CRYL1: variants seen among roughly 807,000 people sequenced by gnomAD.
CRYL1 encodes crystallin lambda 1.
A neutral mutation model predicts 36.6 loss-of-function variants in CRYL1; 29 were observed. The ratio of observed to expected loss-of-function variants is 0.79; its 90% CI spans 0.59 to 1.08. The LOEUF is 1.08. Ranked by LOEUF, CRYL1 falls within the 50% of genes least tolerant of loss-of-function variation. The pLI, the probability that CRYL1 is intolerant of heterozygous loss-of-function variation, is 0.00. For missense variants in CRYL1, 411 were observed against 407.9 expected (o/e 1.01, Z -0.06); for synonymous variants, 152 against 151.5 (o/e 1.00, Z -0.02).
intron 2 of CRYL1, among the ~76,000 whole-genome samples, chr13:20,505,863 C>T (rs2033788828): frequency 2.0e-5 from 3 of 152,140 alleles, no homozygotes; most frequent in Non-Finnish European, 2.9e-5. Context: ...ACATTTTAAC[C>T]TTGGGGTTTC....
chr13:20,516,104 T>C (rs1479148994), intron 1 of CRYL1, among the ~76,000 whole-genome samples: 1 of 144,834 alleles, frequency 6.9e-6, no homozygotes, highest in Non-Finnish European at 1.5e-5. Context: ...GGCAGGACAA[T>C]CGCTTGAACC....
chr13:20,489,688 G>A (rs1161382638), intron 2 of CRYL1, among the ~76,000 whole-genome samples, 192 bp from the exon 3 acceptor site: 3 of 152,220 alleles, frequency 2.0e-5, no homozygotes, highest in African/African-American at 7.2e-5. Flanking sequence ...TGGAACCATT[G>A]TGCACTGCTG....
At chr13:20,413,467 T>C in intron 5 of CRYL1, 80 bp from the exon 6 acceptor site, 2 of 854,828 alleles carry the variant, frequency 2.3e-6, no homozygotes, top group Non-Finnish European at 3.8e-6. Flanking sequence ...CTAACTTCTT[T>C]AGAGCAGGAT....
intron 3 of CRYL1, among the ~76,000 whole-genome samples, chr13:20,463,836 T>C (rs2032880059): frequency 6.6e-6 from 1 of 152,312 alleles, no homozygotes; most frequent in Non-Finnish European, 1.5e-5. Context: ...TATTCGAAGA[T>C]GTAGTAGTAC....
rs1011111227 is a variant in CRYL1, at chr13:20,525,810, G to C, written c.-16C>G. ...AGGACGCCATGGTTGGGCCGGGGAC[G>C]CGGCGCCGCGGGCGCTGGGACCAGG... On this transcript the variant is annotated 5_prime_UTR_variant, in exon 1 of 8. Transcript: ENST00000298248. This position sits in a 1 kb window ranked among gnomAD's most constrained non-coding sequence, Gnocchi z 4.3. 8.1e-7 allele frequency: 1 copy of C among 1,233,342 alleles called. No homozygotes were observed. Among genetic ancestry groups the C allele is most frequent in the African/African-American group, 1.6e-5 (1 of 63,880 alleles). 76.4% of individuals were successfully genotyped at this position (1,233,342 alleles called of 1,614,324 possible).
chr13:20,413,026 C>A (rs929889637), intron 6 of CRYL1, among the ~76,000 whole-genome samples: 15 of 152,138 alleles, frequency 9.9e-5, no homozygotes, highest in African/African-American at 3.6e-4. Context: ...GTGACATCAC[C>A]AACCTCTCTT....
Position 20,426,281 on chromosome 13 carries a change from T to TAAA in CRYL1, c.633+5818_633+5820dup, listed in dbSNP as rs35582177. ...TAAAAGTGAACTGTCTATCTTTATT[T>TAAA]AAAAAAAAAAAAAAAGAGGGTCTCA... On this transcript the variant is annotated intron_variant, in intron 5 of 7. Coordinates refer to ENST00000298248, the MANE Select transcript of CRYL1 (RefSeq NM_015974.3). Among the ~76,000 whole-genome samples, 591 of 144,492 alleles carry TAAA rather than the reference T, an allele frequency of 4.1e-3. 1 individual carries two copies. Among genetic ancestry groups the TAAA allele is most frequent in the South Asian group, 0.014 (62 of 4,534 alleles). 94.8% of individuals were successfully genotyped at this position (144,492 alleles called of 152,430 possible).
intron 5 of CRYL1, among the ~76,000 whole-genome samples, chr13:20,417,494 C>T (rs1282050325): frequency 6.6e-6 from 1 of 152,162 alleles, no homozygotes; most frequent in Admixed American, 6.5e-5. Context: ...GTACTTACTC[C>T]ATTTTAAGGT....
intron 5 of CRYL1, among the ~76,000 whole-genome samples, chr13:20,424,061 G>A (rs990491563): frequency 2.0e-5 from 3 of 152,070 alleles, no homozygotes; most frequent in African/African-American, 7.2e-5. Flanking sequence ...GAGCCACCAC[G>A]CCCGGCCGGG....
At chr13:20,505,025 A>G (rs2033767447) in intron 2 of CRYL1, among the ~76,000 whole-genome samples, 1 of 152,182 alleles carries the variant, frequency 6.6e-6, no homozygotes, top group Admixed American at 6.5e-5. Flanking sequence ...GTGAAATTTC[A>G]ACCACGTGAC....
intron 5 of CRYL1, among the ~76,000 whole-genome samples, chr13:20,419,646 A>G (rs1216064781): frequency 6.6e-6 from 1 of 152,134 alleles, no homozygotes; most frequent in African/African-American, 2.4e-5. Context: ...GACTGGTCTC[A>G]AACTCCTGAC....
At chr13:20,406,364 G>A (rs2031377837) in intron 6 of CRYL1, among the ~76,000 whole-genome samples, 1 of 152,288 alleles carries the variant, frequency 6.6e-6, no homozygotes, top group Non-Finnish European at 1.5e-5. Context: ...GCTTCAAATA[G>A]TTCTTCTCTC....
intron 1 of CRYL1, among the ~76,000 whole-genome samples, chr13:20,517,453 G>C (rs2034019971): frequency 6.6e-6 from 1 of 151,918 alleles, no homozygotes; most frequent in Non-Finnish European, 1.5e-5. Context: ...AAATTAGCTG[G>C]GAGTGGTGGC....
At position 20,514,081 on chromosome 13, in the gene CRYL1, C is replaced by G. The variant is rs570263422; in HGVS notation, c.42-1531G>C. 9.2e-5 allele frequency among the ~76,000 whole-genome samples: 14 copies of G among 152,222 alleles called. No individual in the cohort carries two copies. The South Asian group carries it at 2.9e-3, about 32-fold the overall frequency. The stretch of plus-strand genomic sequence containing the variant: ...AATGCTTGAATAAATGAAGAAGAAG[C>G]CAAATCTCCCTTGCAGAAAAATGCC... On this transcript the variant is annotated intron_variant, in intron 1 of 7. Transcript: ENST00000298248.
At position 20,435,813 on chromosome 13, in the gene CRYL1, G is replaced by T. The variant is rs943302276; in HGVS notation, c.439-3517C>A. On this transcript the variant is annotated intron_variant, in intron 4 of 7. Transcript: ENST00000298248. The surrounding 1 kb of genome is among the most constrained non-coding windows in gnomAD (Gnocchi z 4.0). ...GCCCACAGAGACTCCCTTCACCCCC[G>T]CTCCGGGAGCAACCAAAACGGCGAG... Among the ~76,000 whole-genome samples, 2 of 152,096 alleles carry T rather than the reference G, an allele frequency of 1.3e-5. No individual in the cohort carries two copies. Among genetic ancestry groups the T allele is most frequent in the South Asian group, 2.1e-4 (1 of 4,826 alleles).
chr13:20,513,803 T>C (rs1411295387), intron 1 of CRYL1: 4 of 151,254 alleles, frequency 2.6e-5, no homozygotes, highest in Non-Finnish European at 5.9e-5. Flanking sequence ...TATTCTCCAG[T>C]AATAGGAAGC....
chr13:20,497,683 ACTACACACACCACATATATGCC>A (rs933006285), intron 2 of CRYL1, among the ~76,000 whole-genome samples: 2 of 150,866 alleles, frequency 1.3e-5, no homozygotes, highest in African/African-American at 4.9e-5. Context: ...CATACACACA[ACTACACACACCACATATATGCC>A]CTACACACAC....
At position 20,512,431 on chromosome 13, in the gene CRYL1, C is replaced by A. The variant is rs759624189; in HGVS notation, c.149+12G>T. The A allele has an allele frequency of 2.5e-6, 4 of 1,595,288 alleles. No homozygotes were observed. The highest frequency in any genetic ancestry group is 3.4e-6 in the Non-Finnish European group (4 of 1,163,904). The stretch of plus-strand genomic sequence containing the variant: ...CACTTCCATTCCTTCTGGAGAGCGC[C>A]GGCTGGCCCACCTGATGTTTTCCAG... On this transcript the variant is annotated intron_variant, in intron 2 of 7. Coordinates refer to ENST00000298248, the MANE Select transcript of CRYL1 (RefSeq NM_015974.3).
chr13:20,504,302 C>CTTTTTTTTTTTTTTTTT (rs757657892), intron 2 of CRYL1, among the ~76,000 whole-genome samples: 3 of 128,490 alleles, frequency 2.3e-5, no homozygotes, highest in Non-Finnish European at 3.3e-5. Context: ...CTTTTCTTTT[C>CTTTTTTTTTTTTTTTTT]TTTTTTTTTT....
Sources: allele counts gnomAD v4.1 joint callset (sites outside exome capture counted in the v4.1 genomes callset), GRCh38; gene constraint gnomAD v4.1.1; non-coding constraint Gnocchi (gnomAD v3.1); transcripts MANE v1.5; gene names NCBI Gene and HGNC (gene_info 2026-07-23, HGNC 2026-07-21).